Variants in PRSS57 observed in about 807,000 individuals in gnomAD.
PRSS57 encodes neutrophil serine protease 4.
PRSS57 carries 19 observed loss-of-function variants against 20.6 expected under a neutral mutation model. The observed-to-expected ratio is 0.92, with a 90% CI of 0.64 to 1.35. The LOEUF (loss-of-function observed/expected upper bound fraction) is 1.35, where lower values mean the gene tolerates loss of function less well. Ranked by LOEUF, PRSS57 falls within the 40% of genes most tolerant of loss-of-function variation. The probability of loss-of-function intolerance (pLI) is 0.00; values close to 1 mark genes in which losing one functional copy is unlikely to be tolerated. For missense variants in PRSS57, 440 were observed against 403.7 expected, an observed-to-expected ratio of 1.09 and a Z score of -0.77; for synonymous variants, 203 against 176.6, an observed-to-expected ratio of 1.15 and a Z score of -1.19.
intron 1 of PRSS57, 124 bp from the exon 2 acceptor site, chr19:695,091 C>A (rs2031754062): frequency 1.0e-6 from 1 of 974,546 alleles, no homozygotes; most frequent in African/African-American, 1.7e-5. Flanking sequence ...GACGGAGAGA[C>A]CCAGAGAGCT....
rs1356019916 is a variant in PRSS57 at position 691,907 on chromosome 19, T to C, written c.329A>G (p.His110Arg). 2 of 1,340,724 alleles carry C rather than the reference T, an allele frequency of 1.5e-6. No homozygotes were observed. The highest frequency in any genetic ancestry group is 2.0e-4 in the Middle Eastern group (1 of 5,014). 83.1% of individuals were successfully genotyped at this position (1,340,724 alleles called of 1,614,324 possible). A position where few individuals can be genotyped will look rare whatever the true frequency, so the allele number is the denominator to read the frequency against. Residue 110 changes from histidine to arginine, a missense_variant, in exon 3 of 5, where the codon CAC becomes CGC. Physicochemically the swap from His to Arg is conservative, Grantham distance 29 (BLOSUM62 0). Coordinates refer to ENST00000329267, the MANE Select transcript of PRSS57 (RefSeq NM_001308209.2). ...QVFGIDALTT[H>R]PDYHPMTHAN... The stretch of plus-strand genomic sequence containing the variant: ...GTGGGTCATGGGGTGGTAGTCGGGG[T>C]GTGTGGTGAGAGCATCGATGCCAAA...
At chr19:691,461 C>T (rs559493526) in intron 3 of PRSS57, among the ~76,000 whole-genome samples, 5 of 148,814 alleles carry the variant, frequency 3.4e-5, no homozygotes, top group Non-Finnish European at 5.9e-5. Context: ...GCCGAGATGG[C>T]GCCATTGCAC....
chr19:694,910 T>C lies in PRSS57; in HGVS notation c.137A>G (p.Tyr46Cys). ...GHEVTPHSRPYMASVRFGGQH... is the reference protein window; with the variant it reads ...GHEVTPHSRPCMASVRFGGQH... ...GCCCCCGAAGCGCACGGATGCCATG[T>C]AGGGCCTGGAGTGGGGGGTCACCTC... The change falls in exon 2 of 5, where the codon TAC becomes TGC. Residue 46 changes from tyrosine (Y) to cysteine (C), a missense_variant. Physicochemically the swap from Tyr to Cys is radical, Grantham distance 194 (BLOSUM62 -2). Coordinates refer to ENST00000329267, the MANE Select transcript of PRSS57 (RefSeq NM_001308209.2). The C allele has an allele frequency of 6.2e-7, 1 of 1,600,992 alleles. No individual in the cohort carries two copies. Among genetic ancestry groups the C allele is most frequent in the Middle Eastern group, 1.7e-4 (1 of 6,008 alleles).
chr19:687,902 C>T (rs2031524163), intron 3 of PRSS57, among the ~76,000 whole-genome samples: 1 of 152,212 alleles, frequency 6.6e-6, no homozygotes, highest in Admixed American at 6.5e-5. Flanking sequence ...ACACCAGACC[C>T]CCAGCCTGAA....
At chr19:686,574 C>T (rs10439151) in intron 4 of PRSS57, among the ~76,000 whole-genome samples, 59,971 of 151,764 alleles carry the variant, frequency 0.4, 12,540 homozygotes, top group African/African-American at 0.51. Context: ...CTCTTGCCTG[C>T]GGTAAAAGAC....
chr19:688,891 G>A (rs767803341), intron 3 of PRSS57, among the ~76,000 whole-genome samples: 22 of 152,104 alleles, frequency 1.4e-4, no homozygotes, highest in Non-Finnish European at 2.9e-4. Flanking sequence ...GAGCCACCAC[G>A]CCCGGCCCCA....
At chr19:692,990 C>T (rs1193530453) in intron 2 of PRSS57, among the ~76,000 whole-genome samples, 1 of 150,080 alleles carries the variant, frequency 6.7e-6, no homozygotes, top group African/African-American at 2.5e-5. Flanking sequence ...TGCAGTGGTG[C>T]AATCTTGGCT....
intron 3 of PRSS57, among the ~76,000 whole-genome samples, chr19:689,110 CG>C (rs2031559679): frequency 7.2e-6 from 1 of 138,184 alleles, no homozygotes; most frequent in African/African-American, 2.9e-5. Flanking sequence ...ACGACGGGGC[CG>C]GAAGGGTGGT....
At chr19:690,204 G>GA (rs1452155020) in intron 3 of PRSS57, 1 of 99,210 alleles carries the variant, frequency 1.0e-5, no homozygotes, top group African/African-American at 4.4e-5. Flanking sequence ...CCAGCTACTC[G>GA]GGGGGCTGAG....
intron 1 of PRSS57, 122 bp from the exon 2 acceptor site, chr19:695,089 G>T: frequency 2.0e-6 from 2 of 986,004 alleles, no homozygotes; most frequent in South Asian, 2.1e-5. Flanking sequence ...GAGACGGAGA[G>T]ACCCAGAGAG....
At position 687,130 on chromosome 19, in the gene PRSS57, C is replaced by T. The variant is rs767702364; in HGVS notation, c.437G>A (p.Arg146Lys). ...AVGLLRPPGR[R>K]ARPPTAGTRC... ...TGTCCCCGCTGTGGGGGGCCTGGCC[C>T]TTCTCCCTGGCGGCCTCAGCAGCCC... Residue 146 changes from arginine (R) to lysine (K), a missense_variant, in exon 4 of 5, where the codon AGG (arginine) becomes AAG (lysine). Coordinates refer to ENST00000329267, the MANE Select transcript of PRSS57 (RefSeq NM_001308209.2). 1 of 1,608,628 alleles carries T rather than the reference C, an allele frequency of 6.2e-7. No homozygotes were observed. Among genetic ancestry groups the T allele is most frequent in the Admixed American group, 1.7e-5 (1 of 59,444 alleles).
At chr19:689,431 G>A (rs72978217) in intron 3 of PRSS57, among the ~76,000 whole-genome samples, 3,612 of 152,196 alleles carry the variant, frequency 0.024, 60 homozygotes, top group South Asian at 0.049. Context: ...TACAGCTGGT[G>A]CAGAGCTCGG....
chr19:692,083 G>T, intron 2 of PRSS57, 81 bp from the exon 3 acceptor site: 4 of 1,216,976 alleles, frequency 3.3e-6, no homozygotes, highest in Middle Eastern at 3.2e-4. Flanking sequence ...TGAAACGGAG[G>T]CCCAGGCCGG....
At chr19:693,932 G>C (rs901248050) in intron 2 of PRSS57, among the ~76,000 whole-genome samples, 12 of 152,072 alleles carry the variant, frequency 7.9e-5, no homozygotes, top group African/African-American at 1.9e-4. Flanking sequence ...AGTAGAGATG[G>C]GGTTTCACTG....
At chr19:692,967 A>G (rs1040129588) in intron 2 of PRSS57, among the ~76,000 whole-genome samples, 1 of 150,586 alleles carries the variant, frequency 6.6e-6, no homozygotes, top group African/African-American at 2.4e-5. Flanking sequence ...TCGCTCTGTC[A>G]CCCAGGCAAG....
At chr19:687,285 GC>G (rs1272492251) in intron 3 of PRSS57, 97 bp from the exon 4 acceptor site, 1 of 1,358,138 alleles carries the variant, frequency 7.4e-7, no homozygotes, top group East Asian at 2.6e-5. Context: ...CCCTTGTGAA[GC>G]AAAATCAATG....
chr19:690,928 C>CCTG, intron 3 of PRSS57: 1 of 464,714 alleles, frequency 2.2e-6, no homozygotes. Flanking sequence ...CGTCTGGGCG[C>CCTG]CTGTGCTCAA....
At chr19:693,094 A>T (rs1407766722) in intron 2 of PRSS57, among the ~76,000 whole-genome samples, 2 of 151,120 alleles carry the variant, frequency 1.3e-5, no homozygotes, top group Non-Finnish European at 3.0e-5. Context: ...TATCCGGCTA[A>T]TTTTTTGTAT....
At chr19:690,959 G>T in intron 3 of PRSS57, 1 of 478,606 alleles carries the variant, frequency 2.1e-6, no homozygotes, top group South Asian at 1.8e-5. Flanking sequence ...ATGATGGCTG[G>T]TATCGGTGAC....
Sources: gnomAD v4.1 joint callset for allele counts (sites outside exome capture counted in the v4.1 genomes callset) on GRCh38, gnomAD v4.1.1 for gene constraint, MANE v1.5 for transcripts, NCBI Gene and HGNC (gene_info 2026-07-23, HGNC 2026-07-21) for gene names.